The following ADGRL2 variants were observed in gnomAD, a reference collection of about 807,000 sequenced individuals.
ADGRL2 encodes adhesion G protein-coupled receptor L2, also known as calcium-independent alpha-latrotoxin receptor 2.
A neutral mutation model predicts 157.4 loss-of-function variants in ADGRL2; 44 were observed. The ratio of observed to expected loss-of-function variants is 0.28; its 90% CI spans 0.22 to 0.36. The LOEUF (loss-of-function observed/expected upper bound fraction) is 0.36, where lower values mean the gene tolerates loss of function less well. Among genes scored for constraint, ADGRL2 ranks in the 10% least tolerant of loss-of-function variants. The probability of loss-of-function intolerance (pLI) is 1.00; values close to 1 mark genes in which losing one functional copy is unlikely to be tolerated. For missense variants in ADGRL2, 1,510 were observed against 1,768.9 expected (o/e 0.85, Z 2.63); for synonymous variants, 585 against 624.7 (o/e 0.94, Z 0.95).
At position 81,346,758 on chromosome 1, in the gene ADGRL2, A is replaced by G. The variant is rs550167106; in HGVS notation, c.-302+40249A>G. ...CTTGATCTTGGACTTCCCAGCCTCT[A>G]GAACTATGAGAAATAAATTTCTATT... On this transcript the variant is annotated intron_variant, in intron 1 of 24. Transcript: ENST00000370721. Among the ~76,000 whole-genome samples the G allele has an allele frequency of 2.6e-5, 4 of 152,318 alleles. No homozygotes were observed. In the South Asian group the frequency reaches 8.3e-4, roughly 32 times the overall value.
Position 81,952,055 on chromosome 1 carries a change from G to A in ADGRL2, c.1707G>A (p.Leu569=). 6.2e-7 allele frequency: 1 copy of A among 1,613,752 alleles called. No homozygotes were observed. Among genetic ancestry groups the A allele is most frequent in the Non-Finnish European group, 8.5e-7 (1 of 1,179,708 alleles). ...FAGDVSSSVR[L]MEQLVDILDA... is the part of the protein sequence containing the mutation. ...GGGATGTAAGTTCTTCAGTGAGATTGATGGAGCAGTTGGTGGACATCCTTG... is the reference window on the plus strand; with the variant it reads ...GGGATGTAAGTTCTTCAGTGAGATTAATGGAGCAGTTGGTGGACATCCTTG... The change falls in exon 9 of 24, where the codon TTG becomes TTA. Residue 569 remains leucine, a synonymous_variant. Transcript: ENST00000686636.
chr1:81,814,939 T>A (rs1250978936), intron 1 of ADGRL2, among the ~76,000 whole-genome samples: 1 of 151,718 alleles, frequency 6.6e-6, no homozygotes, highest in Non-Finnish European at 1.5e-5. Flanking sequence ...ACAGTAGCAT[T>A]ACCTTTATTT....
chr1:81,716,147 A>C (rs184533545), intron 1 of ADGRL2, among the ~76,000 whole-genome samples: 1 of 152,316 alleles, frequency 6.6e-6, no homozygotes, highest in East Asian at 1.9e-4. Context: ...CAAATCTTAA[A>C]AGTTTATTTC....
At chr1:81,596,911 C>A (rs1304451603) in intron 3 of ADGRL2, among the ~76,000 whole-genome samples, 1 of 152,094 alleles carries the variant, frequency 6.6e-6, no homozygotes. Context: ...CTTCCGTCTG[C>A]CTGTCCCCCA....
intron 1 of ADGRL2, among the ~76,000 whole-genome samples, chr1:81,336,765 G>A (rs371165225): frequency 1.3e-4 from 20 of 152,220 alleles, no homozygotes; most frequent in African/African-American, 4.3e-4. Context: ...GGCAGTCCCC[G>A]GTGAGGGCCC....
At chr1:81,364,330 T>G (rs2076027817) in intron 1 of ADGRL2, among the ~76,000 whole-genome samples, 1 of 152,120 alleles carries the variant, frequency 6.6e-6, no homozygotes, top group Non-Finnish European at 1.5e-5. Context: ...TTCATAGGTA[T>G]TTTCTGCAAT....
At chr1:81,853,413 A>G (rs1417524781) in intron 2 of ADGRL2, among the ~76,000 whole-genome samples, 2 of 152,104 alleles carry the variant, frequency 1.3e-5, no homozygotes, top group African/African-American at 2.4e-5. Flanking sequence ...ACCTATATCC[A>G]TCTGTGTGAA....
chr1:81,344,004 T>G (rs1662277746), intron 1 of ADGRL2, among the ~76,000 whole-genome samples: 1 of 152,214 alleles, frequency 6.6e-6, no homozygotes, highest in Admixed American at 6.5e-5. Context: ...AACTGTAAGT[T>G]ATTGTCAATA....
At chr1:81,457,326 A>G (rs2101778739) in intron 2 of ADGRL2, among the ~76,000 whole-genome samples, 1 of 152,296 alleles carries the variant, frequency 6.6e-6, no homozygotes, top group South Asian at 2.1e-4. Context: ...TACTACAAAA[A>G]GAAAATGTGG....
At chr1:81,721,653 C>T (rs1302609268) in intron 1 of ADGRL2, 2 of 913,366 alleles carry the variant, frequency 2.2e-6, no homozygotes, top group Admixed American at 2.0e-5. Context: ...GGCCTGGAAC[C>T]GGGCTGCAGC....
chr1:81,343,305 G>A (rs780342119), intron 1 of ADGRL2, among the ~76,000 whole-genome samples: 1 of 151,658 alleles, frequency 6.6e-6, no homozygotes, highest in Non-Finnish European at 1.5e-5. Context: ...GGCAAGACTG[G>A]TCTTGAACTC....
At position 81,606,745 on chromosome 1, in the gene ADGRL2, C is replaced by CGT. The variant is rs56718232; in HGVS notation, c.-143+25793_-143+25794dup. ...CAGATAAATTTCTCAAGAGGATCAA[C>CGT]GTGTGTGTGTGTGTGTGTGTGTGTG... On this transcript the variant is annotated intron_variant, in intron 3 of 24. Transcript: ENST00000370721. 1.8e-3 allele frequency among the ~76,000 whole-genome samples: 271 copies of CGT among 147,026 alleles called. 1 individual carries two copies. Among genetic ancestry groups the CGT allele is most frequent in the African/African-American group, 3.1e-3 (124 of 40,642 alleles).
intron 1 of ADGRL2, among the ~76,000 whole-genome samples, chr1:81,345,886 A>G (rs1362663625): frequency 6.6e-6 from 1 of 152,216 alleles, no homozygotes; most frequent in African/African-American, 2.4e-5. Context: ...ATATTCACTT[A>G]ACTAAGTACC....
intron 1 of ADGRL2, among the ~76,000 whole-genome samples, chr1:81,361,772 T>C (rs962565246): frequency 2.0e-5 from 3 of 151,962 alleles, no homozygotes; most frequent in Non-Finnish European, 2.9e-5. Flanking sequence ...GAAATGCTTA[T>C]TCAGTACCTA....
chr1:81,377,834 A>C (rs1236140966), intron 1 of ADGRL2, among the ~76,000 whole-genome samples: 2 of 152,146 alleles, frequency 1.3e-5, no homozygotes, highest in Non-Finnish European at 2.9e-5. Context: ...TTTTGTACCT[A>C]ATTTTGAATT....
intron 3 of ADGRL2, among the ~76,000 whole-genome samples, chr1:81,610,950 T>C (rs1325491147): frequency 6.6e-6 from 1 of 152,200 alleles, no homozygotes; most frequent in Admixed American, 6.5e-5. Context: ...AGGGTATTAA[T>C]ATCATAGAAA....
At chr1:81,763,046 TAAAAA>T (rs748864220) in intron 2 of ADGRL2, among the ~76,000 whole-genome samples, 1 of 73,768 alleles carries the variant, frequency 1.4e-5, no homozygotes, top group Non-Finnish European at 2.4e-5. Flanking sequence ...AGACTCCGTC[TAAAAA>T]AAAAAAAAAA....
At chr1:81,755,168 A>T (rs2085643348) in intron 1 of ADGRL2, among the ~76,000 whole-genome samples, 1 of 141,690 alleles carries the variant, frequency 7.1e-6, no homozygotes, top group Non-Finnish European at 1.5e-5. Context: ...ATATATATTT[A>T]AAGATATATA....
At chr1:81,888,842 G>A (rs1306565921) in intron 2 of ADGRL2, among the ~76,000 whole-genome samples, 1 of 152,094 alleles carries the variant, frequency 6.6e-6, no homozygotes, top group African/African-American at 2.4e-5. Flanking sequence ...CTCACTTCAT[G>A]TGTCTGTGTC....
Sources: gnomAD v4.1 joint callset for allele counts (sites outside exome capture counted in the v4.1 genomes callset) on GRCh38, gnomAD v4.1.1 for gene constraint, MANE v1.5 for transcripts, NCBI Gene and HGNC (gene_info 2026-07-23, HGNC 2026-07-21) for gene names.